The following LRBA variants were observed in gnomAD, a reference collection of about 807,000 sequenced individuals.
The protein encoded by LRBA is lipopolysaccharide-responsive and beige-like anchor protein.
In LRBA, 176 loss-of-function variants were observed where a neutral mutation model predicts 330.0. That is an observed-to-expected ratio of 0.53 (90% CI 0.47 to 0.60). LRBA has a LOEUF of 0.60. LRBA is among the 20% of genes least tolerant of loss of function. The pLI is 0.00. For missense variants in LRBA, 3,259 were observed against 3,444.8 expected (o/e 0.95, Z 1.35); for synonymous variants, 1,230 against 1,193.0 (o/e 1.03, Z -0.64).
chr4:150,920,416 G>A (rs1159079430), intron 5 of LRBA, among the ~76,000 whole-genome samples: 3 of 152,116 alleles, frequency 2.0e-5, no homozygotes, highest in Non-Finnish European at 2.9e-5. Flanking sequence ...AGGCGTGGTC[G>A]TGGGCACTTG....
At chr4:150,431,707 C>T (rs1750404467) in intron 46 of LRBA, among the ~76,000 whole-genome samples, 1 of 151,650 alleles carries the variant, frequency 6.6e-6, no homozygotes, top group African/African-American at 2.4e-5. Context: ...ACATAAGTGG[C>T]TTATATTTGT....
At chr4:150,964,479 G>A (rs1238073062) in intron 2 of LRBA, among the ~76,000 whole-genome samples, 3 of 150,008 alleles carry the variant, frequency 2.0e-5, no homozygotes, top group Non-Finnish European at 4.4e-5. Flanking sequence ...TCTGTACTAG[G>A]AAAAATTCTT....
intron 53 of LRBA, among the ~76,000 whole-genome samples, chr4:150,294,567 C>T (rs139479869): frequency 6.6e-6 from 1 of 152,332 alleles, no homozygotes; most frequent in African/African-American, 2.4e-5. Flanking sequence ...AGATACCACA[C>T]AGGGCTACTG....
chr4:150,678,510 A>G (rs900502581), intron 37 of LRBA, among the ~76,000 whole-genome samples: 6 of 152,220 alleles, frequency 3.9e-5, no homozygotes, highest in African/African-American at 9.6e-5. Flanking sequence ...TTTAAAGTAC[A>G]TAGTGTTTAA....
chr4:150,819,823 T>A (rs1745159034), intron 30 of LRBA, among the ~76,000 whole-genome samples: 1 of 152,100 alleles, frequency 6.6e-6, no homozygotes, highest in Non-Finnish European at 1.5e-5. Flanking sequence ...ACAAATAAGA[T>A]CTTATTCTTT....
chr4:150,335,685 A>G (rs1734632496), intron 48 of LRBA, among the ~76,000 whole-genome samples: 1 of 151,954 alleles, frequency 6.6e-6, no homozygotes, highest in Non-Finnish European at 1.5e-5. Flanking sequence ...GTAAGCACTC[A>G]ATAAATGTTT....
intron 22 of LRBA, among the ~76,000 whole-genome samples, chr4:150,861,690 T>A (rs1751961457): frequency 6.6e-6 from 1 of 152,226 alleles, no homozygotes; most frequent in Non-Finnish European, 1.5e-5. Context: ...AAACTACTTT[T>A]CTTTGTTCAA....
intron 13 of LRBA, among the ~76,000 whole-genome samples, chr4:150,904,320 T>A (rs1731076198): frequency 6.6e-6 from 1 of 152,210 alleles, no homozygotes; most frequent in African/African-American, 2.4e-5. Context: ...AAAATTTGGA[T>A]CTGCCCTTTT....
intron 17 of LRBA, among the ~76,000 whole-genome samples, 200 bp from the exon 18 acceptor site, chr4:150,872,955 T>G (rs1421600836): frequency 6.6e-6 from 1 of 152,128 alleles, no homozygotes; most frequent in Non-Finnish European, 1.5e-5. Flanking sequence ...GAGAAGAAAT[T>G]GGAATATAAG....
intron 44 of LRBA, among the ~76,000 whole-genome samples, chr4:150,457,434 T>C (rs1378770499): frequency 6.6e-6 from 1 of 151,940 alleles, no homozygotes; most frequent in South Asian, 2.1e-4. Context: ...AACAAACACA[T>C]TGAATAGAAC....
chr4:150,924,461 G>A (rs534123540), intron 4 of LRBA, among the ~76,000 whole-genome samples: 23 of 152,112 alleles, frequency 1.5e-4, no homozygotes, highest in African/African-American at 4.1e-4. Flanking sequence ...GCAGGCAGCC[G>A]AGATAGCACC....
intron 40 of LRBA, among the ~76,000 whole-genome samples, chr4:150,501,217 G>A (rs565414146): frequency 2.0e-5 from 3 of 152,094 alleles, no homozygotes; most frequent in Non-Finnish European, 2.9e-5. Context: ...GAGTTCTTAT[G>A]ACACTACATC....
At chr4:150,422,169 A>AGTCCTG (rs1437941917) in intron 46 of LRBA, among the ~76,000 whole-genome samples, 3 of 152,252 alleles carry the variant, frequency 2.0e-5, no homozygotes, top group Admixed American at 2.0e-4. Flanking sequence ...GGGTGAGGTG[A>AGTCCTG]GGACTGCTTG....
chr4:150,744,973 A>G (rs1414109972), intron 35 of LRBA, among the ~76,000 whole-genome samples: 1 of 152,212 alleles, frequency 6.6e-6, no homozygotes, highest in African/African-American at 2.4e-5. Flanking sequence ...CCACCCCTGA[A>G]GAAGAAGTAA....
chr4:150,627,195 T>A (rs572180686), intron 37 of LRBA, among the ~76,000 whole-genome samples: 3 of 152,036 alleles, frequency 2.0e-5, no homozygotes, highest in Non-Finnish European at 4.4e-5. Context: ...AAACACAAAA[T>A]GAGAGCCTGA....
chr4:150,752,542 T>C (rs549087515), intron 35 of LRBA, among the ~76,000 whole-genome samples: 2 of 152,230 alleles, frequency 1.3e-5, no homozygotes, highest in Admixed American at 6.5e-5. Flanking sequence ...TCTTTCTCGG[T>C]TGAAATTTAG....
chr4:150,652,977 C>A (rs1209516101), intron 37 of LRBA, among the ~76,000 whole-genome samples: 1 of 152,112 alleles, frequency 6.6e-6, no homozygotes, highest in Admixed American at 6.5e-5. Flanking sequence ...AATGATTATG[C>A]CCAGATATCA....
At chr4:150,961,099 A>T (rs1579327154) in intron 2 of LRBA, among the ~76,000 whole-genome samples, 1 of 148,768 alleles carries the variant, frequency 6.7e-6, no homozygotes, top group Non-Finnish European at 1.5e-5. Context: ...TGCCAGTCAC[A>T]CCCCTCTATC....
chr4:150,770,677 T>C (rs1281245081), intron 34 of LRBA, among the ~76,000 whole-genome samples: 1 of 152,040 alleles, frequency 6.6e-6, no homozygotes, highest in African/African-American at 2.4e-5. Context: ...TAAATGGTCA[T>C]GTGATCACAG....
Sources: allele counts gnomAD v4.1 joint callset (sites outside exome capture counted in the v4.1 genomes callset), GRCh38; gene constraint gnomAD v4.1.1; transcripts MANE v1.5; gene names NCBI Gene and HGNC (gene_info 2026-07-23, HGNC 2026-07-21).